Variants in LRRC4B observed in about 807,000 individuals in gnomAD.
LRRC4B encodes leucine rich repeat containing 4B.
LRRC4B carries 1 observed loss-of-function variant against 7.3 expected under a neutral mutation model. That is an observed-to-expected ratio of 0.14 (90% CI 0.05 to 0.65). The LOEUF (loss-of-function observed/expected upper bound fraction) is 0.65. LRRC4B is among the 30% of genes least tolerant of loss of function. The pLI, the probability that LRRC4B is intolerant of heterozygous loss-of-function variation, is 0.84. For missense variants in LRRC4B, 730 were observed against 1,041.6 expected (o/e 0.70, Z 4.12); for synonymous variants, 500 against 499.2 (o/e 1.00, Z -0.02).
At chr19:50,545,373 A>G (rs1455634155) in intron 2 of LRRC4B, among the ~76,000 whole-genome samples, 1 of 143,368 alleles carries the variant, frequency 7.0e-6, no homozygotes, top group African/African-American at 2.6e-5. Context: ...ACGCCATTGC[A>G]CTCCAGCCTG....
rs1422501295 is a variant in LRRC4B at position 50,563,893 on chromosome 19, G to A, written c.-36+4051C>T. ...AAGGATAAGACTCTTCCTGCTCTCG[G>A]CAAGGGAAGGAGGCCATTTAAGTGG... On this transcript the variant is annotated intron_variant, in intron 1 of 2. Transcript: ENST00000652263. This position sits in a 1 kb window ranked among gnomAD's most constrained non-coding sequence, Gnocchi z 4.9. 6.6e-6 allele frequency among the ~76,000 whole-genome samples: 1 copy of A among 152,172 alleles called. No individual in the cohort carries two copies. Among genetic ancestry groups the A allele is most frequent in the Admixed American group, 6.5e-5 (1 of 15,272 alleles).
rs1462780023 is a variant in LRRC4B, at chr19:50,544,455, C to T, written c.297+4087G>A. On this transcript the variant is annotated intron_variant, in intron 2 of 2. Coordinates refer to ENST00000652263, the MANE Select transcript of LRRC4B (RefSeq NM_001080457.2). ...CCGGGAGGCGGAGCTTGCAGTGAGC[C>T]GAGATCACGCCACTGCACTCCAGCC... 4.0e-5 allele frequency among the ~76,000 whole-genome samples: 6 copies of T among 150,500 alleles called. No individual in the cohort carries two copies. The East Asian group carries it at 5.9e-4, about 15-fold the overall frequency.
chr19:50,531,433 C>A (rs1386883565), intron 2 of LRRC4B, among the ~76,000 whole-genome samples: 2 of 152,154 alleles, frequency 1.3e-5, no homozygotes, highest in Non-Finnish European at 2.9e-5. Context: ...ACGCAGTGAC[C>A]CAGCTGCAGA....
At position 50,563,717 on chromosome 19, in the gene LRRC4B, A is replaced by G. The variant is rs1444471367; in HGVS notation, c.-36+4227T>C. On this transcript the variant is annotated intron_variant, in intron 1 of 2. Coordinates refer to ENST00000652263, the MANE Select transcript of LRRC4B (RefSeq NM_001080457.2). This position sits in a 1 kb window ranked among gnomAD's most constrained non-coding sequence, Gnocchi z 4.9. ...CTGTGGCCCACCCCAGCCATCAGCCAGCTGAGAAGGACAGGCTGCAACATG... is the reference window on the plus strand; with the variant it reads ...CTGTGGCCCACCCCAGCCATCAGCCGGCTGAGAAGGACAGGCTGCAACATG... Among the ~76,000 whole-genome samples the G allele has an allele frequency of 6.6e-6, 1 of 152,206 alleles. No homozygotes were observed. The highest frequency in any genetic ancestry group is 1.5e-5 in the Non-Finnish European group (1 of 68,032).
intron 1 of LRRC4B, among the ~76,000 whole-genome samples, chr19:50,559,212 A>G (rs1224976367): frequency 1.3e-5 from 2 of 152,194 alleles, no homozygotes; most frequent in African/African-American, 4.8e-5. Context: ...AGGTGGGCGG[A>G]TTACCTGAGG....
chr19:50,564,628 T>G (rs112850762), intron 1 of LRRC4B, among the ~76,000 whole-genome samples: 1 of 150,254 alleles, frequency 6.7e-6, no homozygotes, highest in Admixed American at 6.6e-5. Flanking sequence ...CCAGGGAAGA[T>G]GAGGGGAGAT....
At chr19:50,538,562 T>G (rs991242500) in intron 2 of LRRC4B, among the ~76,000 whole-genome samples, 1 of 51,440 alleles carries the variant, frequency 1.9e-5, no homozygotes, top group African/African-American at 2.7e-4. Context: ...TTGTCTTGTT[T>G]TTTTTTTTTT....
intron 2 of LRRC4B, among the ~76,000 whole-genome samples, chr19:50,523,681 G>A (rs1363394823): frequency 6.6e-6 from 1 of 151,508 alleles, no homozygotes; most frequent in Non-Finnish European, 1.5e-5. Context: ...AAAAGAGGCC[G>A]GGCATGGTGG....
At chr19:50,560,620 T>A (rs1982430992) in intron 1 of LRRC4B, among the ~76,000 whole-genome samples, 1 of 152,206 alleles carries the variant, frequency 6.6e-6, no homozygotes, top group South Asian at 2.1e-4. Context: ...GGAAAGAGTG[T>A]TGGTGTTGAG....
intron 2 of LRRC4B, among the ~76,000 whole-genome samples, chr19:50,529,511 C>G (rs1446891084): frequency 6.6e-6 from 1 of 152,000 alleles, no homozygotes; most frequent in Non-Finnish European, 1.5e-5. Flanking sequence ...TAAAAGAAAG[C>G]CTGGACCAAG....
intron 2 of LRRC4B, among the ~76,000 whole-genome samples, chr19:50,547,736 G>A (rs966542722): frequency 1.1e-4 from 17 of 150,828 alleles, no homozygotes; most frequent in Non-Finnish European, 2.4e-4. Context: ...TGATAGGGCA[G>A]GCCCCAAATG....
chr19:50,544,194 C>T (rs1981691489), intron 2 of LRRC4B, among the ~76,000 whole-genome samples: 3 of 147,000 alleles, frequency 2.0e-5, no homozygotes, highest in African/African-American at 7.6e-5. Flanking sequence ...GCAACAAAAG[C>T]AAAACTCCAT....
At chr19:50,530,752 T>C (rs1319531051) in intron 2 of LRRC4B, among the ~76,000 whole-genome samples, 2 of 151,892 alleles carry the variant, frequency 1.3e-5, no homozygotes, top group Non-Finnish European at 2.9e-5. Context: ...TTTTTTTTTT[T>C]TGAGATGGAG....
intron 1 of LRRC4B, among the ~76,000 whole-genome samples, chr19:50,551,359 C>G (rs1055963196): frequency 6.6e-6 from 1 of 151,538 alleles, no homozygotes; most frequent in Non-Finnish European, 1.5e-5. Flanking sequence ...CCCCACTGGC[C>G]TGTCGCCCTT....
chr19:50,538,099 G>T (rs1232883276), intron 2 of LRRC4B, among the ~76,000 whole-genome samples: 1 of 150,846 alleles, frequency 6.6e-6, no homozygotes, highest in Admixed American at 6.6e-5. Context: ...TCTCTCTGTT[G>T]CCCAGGCTGG....
At position 50,517,765 on chromosome 19, in the gene LRRC4B, G is replaced by C; in HGVS notation, c.1948C>G (p.Leu650Val). The change falls in exon 3 of 3, where the codon CTG (leucine) becomes GTG (valine). Residue 650 changes from leucine to valine, a missense_variant. Around this residue, in one of 6 missense-constraint regions of LRRC4B, gnomAD observed 160 missense variants for 163.9 expected, o/e 0.98. Transcript: ENST00000652263. This position sits in a 1 kb window ranked among gnomAD's most constrained non-coding sequence, Gnocchi z 6.6. ...TCTCGCTCCAGGGCGGGCAGGGCCA[G>C]GTGGCTGTCCCCGCCCACACCACCC... ...SGGGVGGDSHLALPALERDHL... is the reference protein window; with the variant it reads ...SGGGVGGDSHVALPALERDHL... 1 of 1,521,670 alleles carries C rather than the reference G, an allele frequency of 6.6e-7. No homozygotes were observed. Among genetic ancestry groups the C allele is most frequent in the East Asian group, 2.4e-5 (1 of 42,260 alleles). The allele number at this position is 1,521,670 out of a possible 1,614,324, so 94.3% of individuals were successfully genotyped here.
chr19:50,562,392 C>T (rs990510666), intron 1 of LRRC4B, among the ~76,000 whole-genome samples: 2 of 151,900 alleles, frequency 1.3e-5, no homozygotes, highest in African/African-American at 4.9e-5. Context: ...GAGGAATACA[C>T]GGAAAAAATC....
intron 2 of LRRC4B, among the ~76,000 whole-genome samples, chr19:50,525,572 AT>A (rs1453721180): frequency 7.2e-6 from 1 of 138,804 alleles, no homozygotes. Flanking sequence ...CACCCGGCTA[AT>A]TTTTGTATTT....
At chr19:50,565,351 A>G (rs1568739742) in intron 1 of LRRC4B, among the ~76,000 whole-genome samples, 1 of 152,146 alleles carries the variant, frequency 6.6e-6, no homozygotes, top group East Asian at 1.9e-4. Flanking sequence ...CTCTCCCTCC[A>G]GGTCTGTGTA....
Sources: gnomAD v4.1 joint callset for allele counts (sites outside exome capture counted in the v4.1 genomes callset) on GRCh38, gnomAD v4.1.1 for gene constraint, gnomAD v4.1.1 regional missense constraint, Gnocchi (gnomAD v3.1) non-coding constraint, MANE v1.5 for transcripts, NCBI Gene and HGNC (gene_info 2026-07-23, HGNC 2026-07-21) for gene names.